DMD: variants seen among roughly 807,000 people sequenced by gnomAD.
DMD encodes the protein dystrophin, also known as mutant dystrophin.
DMD carries 63 observed loss-of-function variants against 330.1 expected under a neutral mutation model. That is an observed-to-expected ratio of 0.19 (90% confidence interval 0.16 to 0.24). The LOEUF is 0.24. Ranked by LOEUF, DMD falls within the 10% of genes least tolerant of loss-of-function variation. The pLI is 1.00. For missense variants in DMD, 3,344 were observed against 2,684.1 expected, an observed-to-expected ratio of 1.25 and a Z score of -5.43; for synonymous variants, 1,223 against 959.8, an observed-to-expected ratio of 1.27 and a Z score of -5.07.
chrX:31,658,995 C>A (rs1029218811), intron 53 of DMD, among the ~76,000 whole-genome samples: 2 of 111,394 alleles, frequency 1.8e-5, no homozygotes, highest in African/African-American at 6.5e-5. Flanking sequence ...GGAATAGGAA[C>A]AGGTAGTTCA....
At chrX:32,233,672 G>A (rs979705232) in intron 43 of DMD, among the ~76,000 whole-genome samples, 1 of 105,104 alleles carries the variant, frequency 9.5e-6, no homozygotes, top group African/African-American at 3.5e-5. Flanking sequence ...CGCTCTTGTT[G>A]CCCCAGCTGG....
chrX:31,576,332 T>C (rs1254751338), intron 55 of DMD, among the ~76,000 whole-genome samples: 1 of 112,135 alleles, frequency 8.9e-6, no homozygotes, highest in Non-Finnish European at 1.9e-5. Flanking sequence ...TTCTAAATAA[T>C]GTTCAGTGTA....
chrX:33,312,319 G>T lies in DMD; in HGVS notation c.7+26940C>A, dbSNP rs180978475. Among the ~76,000 whole-genome samples the T allele has an allele frequency of 3.8e-3, 426 of 110,866 alleles. 2 individuals carry two copies. The highest frequency in any genetic ancestry group is 6.8e-3 in the Non-Finnish European group (359 of 52,967). On this transcript the variant is annotated intron_variant, in intron 1 of 17. Coordinates refer to the DMD transcript ENST00000288447. ...CCAATTTTGCCTGTGTGCGGGTTCT[G>T]CAGAGTTGGCTGTGAAATGTGAGTA... is the stretch of plus-strand genomic sequence containing the variant.
intron 57 of DMD, among the ~76,000 whole-genome samples, chrX:31,489,637 T>G (rs999624654): frequency 3.6e-5 from 4 of 112,261 alleles, no homozygotes; most frequent in African/African-American, 1.3e-4. Flanking sequence ...CCCTAACATA[T>G]GCTTAACATA....
chrX:33,076,441 T>C (rs1410401090), intron 1 of DMD, among the ~76,000 whole-genome samples: 1 of 111,633 alleles, frequency 9.0e-6, no homozygotes, highest in Non-Finnish European at 1.9e-5. Context: ...CAACATCTTG[T>C]ATGTAATTTT....
chrX:32,073,851 A>G (rs186177263), intron 44 of DMD, among the ~76,000 whole-genome samples: 17 of 111,615 alleles, frequency 1.5e-4, no homozygotes, highest in African/African-American at 3.6e-4. Flanking sequence ...AACCCATTTC[A>G]ACCATAGATT....
chrX:31,689,495 C>T (rs1047206488), intron 52 of DMD, among the ~76,000 whole-genome samples: 2 of 111,918 alleles, frequency 1.8e-5, no homozygotes, highest in Non-Finnish European at 3.8e-5. Context: ...GAAGAACATT[C>T]CATGCTCATG....
At chrX:33,036,942 A>T (rs1348887407) in intron 1 of DMD, among the ~76,000 whole-genome samples, 1 of 110,954 alleles carries the variant, frequency 9.0e-6, no homozygotes, top group Middle Eastern at 4.2e-3. Flanking sequence ...GAATGTTGGC[A>T]ATCATGGTCT....
At chrX:32,927,074 T>A (rs1436102778) in intron 2 of DMD, among the ~76,000 whole-genome samples, 1 of 111,369 alleles carries the variant, frequency 9.0e-6, no homozygotes, top group Non-Finnish European at 1.9e-5. Flanking sequence ...ATAAATTTAT[T>A]GACTTTTTTA....
At chrX:31,922,538 G>A (rs952922911) in intron 47 of DMD, among the ~76,000 whole-genome samples, 3 of 109,923 alleles carry the variant, frequency 2.7e-5, no homozygotes, top group Non-Finnish European at 1.9e-5. Flanking sequence ...GCGCGCGTGC[G>A]CTAGGGGGGT....
chrX:31,217,976 G>A (rs1306810926), intron 64 of DMD, among the ~76,000 whole-genome samples: 2 of 111,477 alleles, frequency 1.8e-5, no homozygotes, highest in East Asian at 2.8e-4. Context: ...TTCTACATTC[G>A]GAGCTTACCT....
At chrX:31,661,084 A>C (rs1432214923) in intron 53 of DMD, among the ~76,000 whole-genome samples, 1 of 112,263 alleles carries the variant, frequency 8.9e-6, no homozygotes, top group East Asian at 2.8e-4. Context: ...ACAAGGTAGT[A>C]AAGAGTGAGG....
intron 1 of DMD, among the ~76,000 whole-genome samples, chrX:33,042,394 G>A (rs1015277336): frequency 2.7e-5 from 3 of 112,245 alleles, no homozygotes; most frequent in Admixed American, 1.9e-4. Flanking sequence ...AAGACGAGCA[G>A]ATGATTTCAG....
At chrX:32,655,002 T>A (rs1350691937) in intron 9 of DMD, among the ~76,000 whole-genome samples, 1 of 111,777 alleles carries the variant, frequency 8.9e-6, no homozygotes, top group African/African-American at 3.3e-5. Flanking sequence ...ATATCCCCTT[T>A]ATTATTTTTT....
At chrX:31,981,811 A>C (rs2150259230) in intron 44 of DMD, among the ~76,000 whole-genome samples, 1 of 112,136 alleles carries the variant, frequency 8.9e-6, no homozygotes, top group African/African-American at 3.2e-5. Context: ...AAATGAGCTA[A>C]AATCTCTGGC....
chrX:31,774,252 C>G, intron 50 of DMD, 60 bp from the exon 51 acceptor site: 1 of 856,366 alleles, frequency 1.2e-6, no homozygotes, highest in Non-Finnish European at 1.7e-6. Context: ...ATTAGAAACA[C>G]AAGCTAAAGA....
At chrX:32,515,073 G>A (rs962997177) in intron 18 of DMD, among the ~76,000 whole-genome samples, 3 of 112,012 alleles carry the variant, frequency 2.7e-5, no homozygotes, top group African/African-American at 9.7e-5. Context: ...GAGGGAGTCA[G>A]TCATTCTAAA....
intron 43 of DMD, among the ~76,000 whole-genome samples, chrX:32,255,813 T>C (rs891659090): frequency 8.0e-5 from 9 of 111,875 alleles, no homozygotes; most frequent in Non-Finnish European, 1.3e-4. Flanking sequence ...ATATGCTATA[T>C]AGAAAACTCA....
intron 11 of DMD, among the ~76,000 whole-genome samples, chrX:32,643,082 A>T (rs2059571001): frequency 9.0e-6 from 1 of 111,203 alleles, no homozygotes; most frequent in South Asian, 3.8e-4. Flanking sequence ...TAATATGATT[A>T]TTGTACCTCT....
Sources: allele counts gnomAD v4.1 joint callset (sites outside exome capture counted in the v4.1 genomes callset), GRCh38; gene constraint gnomAD v4.1.1; transcripts MANE v1.5; gene names NCBI Gene and HGNC (gene_info 2026-07-23, HGNC 2026-07-21).